Variants in PAH observed in about 807,000 individuals in gnomAD.
PAH encodes the protein phenylalanine-4-hydroxylase.
In PAH, 64 loss-of-function variants were observed where a neutral mutation model predicts 62.0. The ratio of observed to expected loss-of-function variants is 1.03; its 90% confidence interval spans 0.84 to 1.27. PAH has a LOEUF of 1.27. PAH is among the 50% of genes most tolerant of loss of function. PAH has a pLI of 0.00. For synonymous variants in PAH, 195 were observed against 196.2 expected, an observed-to-expected ratio of 0.99 and a Z score of 0.05; for missense variants, 579 against 542.8, an observed-to-expected ratio of 1.07 and a Z score of -0.66.
intron 11 of PAH, among the ~76,000 whole-genome samples, chr12:102,842,087 T>C (rs879459799): frequency 6.6e-6 from 1 of 152,226 alleles, no homozygotes; most frequent in Admixed American, 6.5e-5. Context: ...GCCTCGGTAC[T>C]GACAGGCCTG....
At chr12:102,908,196 C>A (rs549505505) in intron 2 of PAH, among the ~76,000 whole-genome samples, 22 of 150,832 alleles carry the variant, frequency 1.5e-4, no homozygotes, top group African/African-American at 4.9e-4. Context: ...CATGCGCCCC[C>A]CTCCCTACCA....
intron 1 of PAH, among the ~76,000 whole-genome samples, chr12:102,928,986 C>A (rs539768451): frequency 2.6e-5 from 4 of 152,250 alleles, no homozygotes; most frequent in Non-Finnish European, 5.9e-5. Flanking sequence ...GTTCTCATGC[C>A]CCCATGCTGC....
At chr12:102,923,634 G>T (rs1878611757) in intron 1 of PAH, 1 of 152,156 alleles carries the variant, frequency 6.6e-6, no homozygotes, top group Non-Finnish European at 1.5e-5. Context: ...AAATTAGAAT[G>T]TACCTTATTT....
chr12:102,948,114 A>T (rs1430561261), intron 1 of PAH, among the ~76,000 whole-genome samples: 1 of 152,212 alleles, frequency 6.6e-6, no homozygotes, highest in Admixed American at 6.5e-5. Context: ...ATGTTCAAAA[A>T]ATTTGTCAGA....
intron 1 of PAH, among the ~76,000 whole-genome samples, chr12:102,937,796 A>G (rs765302004): frequency 1.3e-5 from 2 of 152,164 alleles, no homozygotes; most frequent in Non-Finnish European, 2.9e-5. Flanking sequence ...CTTAATGCTC[A>G]TTAACATCAT....
chr12:102,863,281 A>G (rs1208588825), intron 5 of PAH, among the ~76,000 whole-genome samples: 6 of 152,190 alleles, frequency 3.9e-5, no homozygotes, highest in Non-Finnish European at 8.8e-5. Flanking sequence ...AAAGAAAGGC[A>G]TCTGTTATTC....
intron 2 of PAH, among the ~76,000 whole-genome samples, chr12:102,910,250 A>G (rs978127274): frequency 5.9e-5 from 9 of 152,322 alleles, no homozygotes; most frequent in African/African-American, 2.2e-4. Context: ...ATTGTAATTA[A>G]TTCAGGGAAA....
upstream of PAH, chr12:102,917,275 C>A (rs1878423380): frequency 1.3e-6 from 1 of 741,082 alleles, no homozygotes; most frequent in African/African-American, 1.7e-5. Context: ...TGGTGCATCT[C>A]CGCACAGTAA....
chr12:102,842,336 A>AGAGCTC (rs1732978110), intron 11 of PAH, among the ~76,000 whole-genome samples: 1 of 152,208 alleles, frequency 6.6e-6, no homozygotes, highest in South Asian at 2.1e-4. Context: ...GAAGGACTTG[A>AGAGCTC]GAGCTCTGGA....
chr12:102,950,886 G>A (rs899918917), upstream of PAH: 4 of 152,194 alleles, frequency 2.6e-5, no homozygotes, highest in Non-Finnish European at 5.9e-5. Flanking sequence ...GGCACCCAGG[G>A]GTTTTGTGAC....
intron 3 of PAH, among the ~76,000 whole-genome samples, chr12:102,892,936 C>T (rs1592977618): frequency 6.6e-6 from 1 of 152,116 alleles, no homozygotes; most frequent in East Asian, 1.9e-4. Flanking sequence ...CGAATATAAA[C>T]TATGGACTTC....
At position 102,866,792 on chromosome 12, in the gene PAH, A is replaced by T. The variant is rs541573404; in HGVS notation, c.442-129T>A. Reference sequence around the variant, plus strand: ...CTCCTTCCCTTGGTTATACCCTAAAACTAAAGTCTCGGTTAAACTTAGCTC... The same window carrying T: ...CTCCTTCCCTTGGTTATACCCTAAATCTAAAGTCTCGGTTAAACTTAGCTC... On this transcript the variant is annotated intron_variant, in intron 4 of 12. Coordinates refer to ENST00000553106, the MANE Select transcript of PAH (RefSeq NM_000277.3). 4 of 794,840 alleles carry T rather than the reference A, an allele frequency of 5.0e-6. No homozygotes were observed. In the South Asian group the frequency reaches 5.6e-5, roughly 11 times the overall value. 49.2% of individuals were successfully genotyped at this position (794,840 alleles called of 1,614,324 possible).
chr12:102,892,971 G>A lies in PAH; in HGVS notation c.352+1764C>T, dbSNP rs1364798695. Among the ~76,000 whole-genome samples, 5 of 152,110 alleles carry A rather than the reference G, an allele frequency of 3.3e-5. No individual in the cohort carries two copies. In the South Asian group the frequency reaches 8.3e-4, roughly 25 times the overall value. On this transcript the variant is annotated intron_variant, in intron 3 of 12. Coordinates refer to ENST00000553106, the MANE Select transcript of PAH (RefSeq NM_000277.3). ...CAATTAGTGATAATATATCAATATC[G>A]GCTCATCAGTTCTAAAAAAAAATAC...
chr12:102,866,476 C>T, intron 5 of PAH, 120 bp downstream of exon 5: 1 of 802,242 alleles, frequency 1.2e-6, no homozygotes, highest in Non-Finnish European at 2.2e-6. Flanking sequence ...AACACATGCA[C>T]ACACAGAAGG....
chr12:102,936,454 T>A (rs73393599), intron 1 of PAH, among the ~76,000 whole-genome samples: 4,912 of 152,258 alleles, frequency 0.032, 277 homozygotes, highest in African/African-American at 0.11. Flanking sequence ...TGTCTCAGTG[T>A]TCTGCTCAAT....
At chr12:102,886,866 G>A (rs1029382058) in intron 3 of PAH, among the ~76,000 whole-genome samples, 4 of 152,046 alleles carry the variant, frequency 2.6e-5, no homozygotes, top group East Asian at 1.9e-4. Flanking sequence ...GGCTGACACC[G>A]AGTGGGCACT....
At chr12:102,951,810 T>C (rs1468547962), upstream of PAH, among the ~76,000 whole-genome samples, 1 of 150,594 alleles carries the variant, frequency 6.6e-6, no homozygotes, top group Non-Finnish European at 1.5e-5. Context: ...TTCTTCTCAT[T>C]TGAGTCTGTT....
chr12:102,874,603 C>T (rs549649877), intron 4 of PAH, among the ~76,000 whole-genome samples: 2 of 152,312 alleles, frequency 1.3e-5, no homozygotes, highest in Non-Finnish European at 2.9e-5. Flanking sequence ...CACACAGCCC[C>T]TGCTCAAGAA....
intron 2 of PAH, among the ~76,000 whole-genome samples, chr12:102,899,397 A>C (rs1273773455): frequency 6.6e-6 from 1 of 152,168 alleles, no homozygotes; most frequent in Non-Finnish European, 1.5e-5. Context: ...GATAACAATA[A>C]AACAATTTAT....
Sources: allele counts gnomAD v4.1 joint callset (sites outside exome capture counted in the v4.1 genomes callset), GRCh38; gene constraint gnomAD v4.1.1; transcripts MANE v1.5; gene names NCBI Gene and HGNC (gene_info 2026-07-23, HGNC 2026-07-21).